MAGI2: variants seen among roughly 807,000 people sequenced by gnomAD.
MAGI2 encodes membrane associated guanylate kinase, WW and PDZ domain containing 2.
In MAGI2, 35 loss-of-function variants were observed where a neutral mutation model predicts 133.3. The observed-to-expected ratio is 0.26, with a 90% CI of 0.20 to 0.35. The LOEUF is 0.35. Among genes scored for constraint, MAGI2 ranks in the 10% least tolerant of loss-of-function variants. MAGI2 has a pLI of 1.00. For synonymous variants in MAGI2, 729 were observed against 710.6 expected, an observed-to-expected ratio of 1.03 and a Z score of -0.41; for missense variants, 1,636 against 1,863.4, an observed-to-expected ratio of 0.88 and a Z score of 2.25.
chr7:78,019,172 TG>T lies in MAGI2; in HGVS notation c.*142del. On this transcript the variant is annotated 3_prime_UTR_variant, in exon 22 of 22. Transcript: ENST00000354212. ...ATGCCGCCCAAGCACACCGGACACGTGGGACTTCACGTCGATGCTCCCAGGC... is the reference window on the plus strand; with the variant it reads ...ATGCCGCCCAAGCACACCGGACACGTGGACTTCACGTCGATGCTCCCAGGC... 1 of 958,694 alleles carries T rather than the reference TG, an allele frequency of 1.0e-6. No individual in the cohort carries two copies. The highest frequency in any genetic ancestry group is 1.5e-6 in the Non-Finnish European group (1 of 648,294). The allele number at this position is 958,694 out of a possible 1,614,324, so 59.4% of individuals were successfully genotyped here.
chr7:79,396,580 T>G (rs1255671741), intron 1 of MAGI2, among the ~76,000 whole-genome samples: 1 of 152,158 alleles, frequency 6.6e-6, no homozygotes, highest in Non-Finnish European at 1.5e-5. Flanking sequence ...AAGTTTCCAG[T>G]GGCCCTATAC....
intron 1 of MAGI2, among the ~76,000 whole-genome samples, chr7:79,275,673 A>G (rs34066812): frequency 0.6 from 91,449 of 152,034 alleles, 29,249 homozygotes; most frequent in Non-Finnish European, 0.7. Context: ...GAAGAAGTCA[A>G]TGTCTGCCTT....
intron 1 of MAGI2, among the ~76,000 whole-genome samples, chr7:79,243,268 G>C (rs769451738): frequency 1.3e-5 from 2 of 152,164 alleles, no homozygotes; most frequent in African/African-American, 2.4e-5. Flanking sequence ...AGAACCAAGA[G>C]AGCAATTTTA....
At chr7:78,640,585 G>T (rs540048076) in intron 2 of MAGI2, among the ~76,000 whole-genome samples, 1 of 151,172 alleles carries the variant, frequency 6.6e-6, no homozygotes, top group Non-Finnish European at 1.5e-5. Flanking sequence ...ACACTTATTT[G>T]CCAGGACTAA....
chr7:78,693,232 T>C (rs950042621), intron 2 of MAGI2, among the ~76,000 whole-genome samples: 3 of 152,192 alleles, frequency 2.0e-5, no homozygotes, highest in African/African-American at 4.8e-5. Context: ...GCCTGTCACA[T>C]AGTGCTTTGT....
intron 2 of MAGI2, among the ~76,000 whole-genome samples, chr7:78,757,281 C>T (rs1403177966): frequency 1.4e-5 from 2 of 146,258 alleles, no homozygotes; most frequent in Non-Finnish European, 3.0e-5. Context: ...CTCCCCTCCT[C>T]CCTCCCTCCC....
At chr7:78,063,120 T>C (rs1037019094) in intron 21 of MAGI2, among the ~76,000 whole-genome samples, 3 of 152,230 alleles carry the variant, frequency 2.0e-5, no homozygotes, top group Admixed American at 6.5e-5. Context: ...CCATCTTAAA[T>C]ACTACTGAGG....
At chr7:79,292,827 A>C (rs1230354713) in intron 1 of MAGI2, among the ~76,000 whole-genome samples, 2 of 131,670 alleles carry the variant, frequency 1.5e-5, no homozygotes, top group African/African-American at 5.4e-5. Context: ...TCATTTTGAT[A>C]GGGATTGCCC....
chr7:79,066,458 G>T (rs1814341126), intron 1 of MAGI2, among the ~76,000 whole-genome samples: 1 of 151,766 alleles, frequency 6.6e-6, no homozygotes, highest in African/African-American at 2.4e-5. Flanking sequence ...TGTAGATTCT[G>T]GATATTAGCC....
intron 2 of MAGI2, among the ~76,000 whole-genome samples, chr7:78,979,614 C>T (rs1276365116): frequency 1.3e-5 from 2 of 151,840 alleles, no homozygotes; most frequent in Non-Finnish European, 2.9e-5. Context: ...AAGCCTTTCT[C>T]CCACAGTCCC....
chr7:78,191,515 T>C (rs1387476170), intron 12 of MAGI2, among the ~76,000 whole-genome samples: 1 of 152,242 alleles, frequency 6.6e-6, no homozygotes, highest in East Asian at 1.9e-4. Context: ...TTATTTTTCA[T>C]AACTTCTCTT....
intron 21 of MAGI2, among the ~76,000 whole-genome samples, chr7:78,052,425 C>G (rs1323082467): frequency 1.3e-5 from 2 of 152,220 alleles, no homozygotes; most frequent in African/African-American, 4.8e-5. Context: ...GGAGTGGAAG[C>G]CGCCTGAAGC....
intron 11 of MAGI2, among the ~76,000 whole-genome samples, 195 bp downstream of exon 11, chr7:78,200,967 T>C (rs1300638629): frequency 6.6e-6 from 1 of 152,204 alleles, no homozygotes; most frequent in East Asian, 1.9e-4. Flanking sequence ...GAATTGTTTT[T>C]ATAGGAAGGT....
chr7:78,768,534 C>T (rs945529329), intron 2 of MAGI2, among the ~76,000 whole-genome samples: 1 of 152,164 alleles, frequency 6.6e-6, no homozygotes, highest in Admixed American at 6.5e-5. Flanking sequence ...TAATTCTCAG[C>T]CTATGGGAAG....
intron 6 of MAGI2, among the ~76,000 whole-genome samples, chr7:78,424,679 C>G (rs1352533062): frequency 6.6e-6 from 1 of 152,176 alleles, no homozygotes; most frequent in Non-Finnish European, 1.5e-5. Context: ...CCTCTTGTAT[C>G]AGCATGACCT....
chr7:78,675,728 C>T (rs1044681966), intron 2 of MAGI2, among the ~76,000 whole-genome samples: 3 of 152,100 alleles, frequency 2.0e-5, no homozygotes, highest in African/African-American at 7.2e-5. Flanking sequence ...ATATGCAGGA[C>T]ACGCCATGAA....
rs540473574 is a variant in MAGI2, at chr7:78,819,429, C to T, written c.418+187661G>A. Reference sequence around the variant, plus strand: ...TAAGGGCATGGAATTTATATCTTAACCTTTTTCTAGGTTTATCGGGAAATA... The same window carrying T: ...TAAGGGCATGGAATTTATATCTTAATCTTTTTCTAGGTTTATCGGGAAATA... On this transcript the variant is annotated intron_variant, in intron 2 of 21. Coordinates refer to ENST00000354212, the MANE Select transcript of MAGI2 (RefSeq NM_012301.4). Among the ~76,000 whole-genome samples, 6 of 152,142 alleles carry T rather than the reference C, an allele frequency of 3.9e-5. No individual in the cohort carries two copies. In the East Asian group the frequency reaches 7.7e-4, roughly 20 times the overall value.
chr7:78,380,911 T>C (rs1157546913), intron 6 of MAGI2, among the ~76,000 whole-genome samples: 2 of 152,122 alleles, frequency 1.3e-5, no homozygotes, highest in African/African-American at 2.4e-5. Context: ...GGCACAAATA[T>C]ATGCTAACAA....
chr7:78,569,628 A>T (rs937443949), intron 3 of MAGI2, among the ~76,000 whole-genome samples: 7 of 151,556 alleles, frequency 4.6e-5, no homozygotes, highest in Admixed American at 6.6e-5. Context: ...AGTAATATTT[A>T]AAAAAAATAA....
Sources: gnomAD v4.1 joint callset for allele counts (sites outside exome capture counted in the v4.1 genomes callset) on GRCh38, gnomAD v4.1.1 for gene constraint, MANE v1.5 for transcripts, NCBI Gene and HGNC (gene_info 2026-07-23, HGNC 2026-07-21) for gene names.